IL1RAPL1: variants seen among roughly 807,000 people sequenced by gnomAD.
The protein encoded by IL1RAPL1 is interleukin 1 receptor accessory protein like 1.
In IL1RAPL1, 3 loss-of-function variants were observed where a neutral mutation model predicts 48.4. The ratio of observed to expected loss-of-function variants is 0.06; its 90% CI spans 0.03 to 0.16. The LOEUF is 0.16. IL1RAPL1 is among the 10% of genes least tolerant of loss of function. The pLI, the probability that IL1RAPL1 is intolerant of heterozygous loss-of-function variation, is 1.00. For synonymous variants in IL1RAPL1, 185 were observed against 187.7 expected, an observed-to-expected ratio of 0.99 and a Z score of 0.12; for missense variants, 349 against 530.6, an observed-to-expected ratio of 0.66 and a Z score of 3.36.
At chrX:28,980,296 G>A (rs1925299026) in intron 2 of IL1RAPL1, among the ~76,000 whole-genome samples, 1 of 112,228 alleles carries the variant, frequency 8.9e-6, no homozygotes, top group Non-Finnish European at 1.9e-5. Flanking sequence ...GTTTTTTCCA[G>A]CACATCTTTA....
intron 5 of IL1RAPL1, among the ~76,000 whole-genome samples, chrX:29,545,642 C>T (rs1241786770): frequency 8.9e-6 from 1 of 112,145 alleles, no homozygotes; most frequent in African/African-American, 3.2e-5. Flanking sequence ...GAAATCCATT[C>T]ATTTTGCTCT....
chrX:29,254,014 A>G (rs1222451824), intron 2 of IL1RAPL1, among the ~76,000 whole-genome samples: 1 of 111,695 alleles, frequency 9.0e-6, no homozygotes, highest in Non-Finnish European at 1.9e-5. Flanking sequence ...AAGGTAAATC[A>G]GTAAGTGGAG....
At chrX:29,060,569 A>G (rs951723835) in intron 2 of IL1RAPL1, among the ~76,000 whole-genome samples, 1 of 111,604 alleles carries the variant, frequency 9.0e-6, no homozygotes, top group African/African-American at 3.3e-5. Flanking sequence ...ATAAATACCT[A>G]ACTAGAACAT....
At chrX:29,009,437 A>G (rs1926070271) in intron 2 of IL1RAPL1, among the ~76,000 whole-genome samples, 1 of 112,464 alleles carries the variant, frequency 8.9e-6, no homozygotes, top group Non-Finnish European at 1.9e-5. Context: ...TAATTTTCAT[A>G]TATGGTGAAA....
rs758096515 is a variant in IL1RAPL1, at chrX:29,007,275, G to A, written c.82+217850G>A. Among the ~76,000 whole-genome samples the A allele has an allele frequency of 2.7e-5, 3 of 111,793 alleles. No homozygotes were observed. The East Asian group carries it at 8.4e-4, about 31-fold the overall frequency. On this transcript the variant is annotated intron_variant, in intron 2 of 10. Coordinates refer to ENST00000378993, the MANE Select transcript of IL1RAPL1 (RefSeq NM_014271.4). ...GTAATACTAAGATAAAATGATTAGA[G>A]TCACATACACGTTATATATGAAAAC...
chrX:29,000,529 T>C (rs1272849536), intron 2 of IL1RAPL1, among the ~76,000 whole-genome samples: 1 of 111,859 alleles, frequency 8.9e-6, no homozygotes, highest in Non-Finnish European at 1.9e-5. Flanking sequence ...ACAATTTGCT[T>C]AATGGAATTG....
At chrX:28,933,913 T>A (rs891038103) in intron 2 of IL1RAPL1, among the ~76,000 whole-genome samples, 1 of 111,722 alleles carries the variant, frequency 9.0e-6, no homozygotes, top group African/African-American at 3.3e-5. Context: ...ATGGTGCTGA[T>A]GGGAGTGTAT....
chrX:29,189,803 A>G (rs1407543098), intron 2 of IL1RAPL1, among the ~76,000 whole-genome samples: 1 of 111,697 alleles, frequency 9.0e-6, no homozygotes, highest in Non-Finnish European at 1.9e-5. Context: ...TCAGATCTGT[A>G]TATCAGGAAA....
At chrX:29,613,249 C>T (rs1341534770) in intron 5 of IL1RAPL1, among the ~76,000 whole-genome samples, 2 of 112,295 alleles carry the variant, frequency 1.8e-5, no homozygotes, top group Non-Finnish European at 3.8e-5. Context: ...GTTATTTCAA[C>T]ATGTAATCAA....
chrX:28,886,140 C>T (rs777912989), intron 2 of IL1RAPL1, among the ~76,000 whole-genome samples: 9 of 110,121 alleles, frequency 8.2e-5, no homozygotes, highest in Non-Finnish European at 1.5e-4. Flanking sequence ...GTTTTGGATG[C>T]TGGATTAAGT....
intron 2 of IL1RAPL1, among the ~76,000 whole-genome samples, chrX:29,100,134 C>T (rs972240519): frequency 9.0e-6 from 1 of 111,345 alleles, no homozygotes; most frequent in African/African-American, 3.3e-5. Flanking sequence ...ATCACTTGAA[C>T]CCGGGAGGTG....
intron 2 of IL1RAPL1, among the ~76,000 whole-genome samples, chrX:29,085,353 AAAG>A (rs1927930575): frequency 9.0e-6 from 1 of 111,187 alleles, no homozygotes; most frequent in Non-Finnish European, 1.9e-5. Context: ...GAGAAAAAGA[AAAG>A]AAGATAGAGG....
intron 2 of IL1RAPL1, among the ~76,000 whole-genome samples, chrX:29,081,008 C>T (rs1927814155): frequency 3.1e-4 from 22 of 71,371 alleles, no homozygotes; most frequent in Middle Eastern, 7.2e-3. Context: ...CTCTCTCTCT[C>T]TCTCTCTCTC....
At chrX:28,852,628 CAT>C (rs1921692149) in intron 2 of IL1RAPL1, among the ~76,000 whole-genome samples, 1 of 111,636 alleles carries the variant, frequency 9.0e-6, no homozygotes, top group Non-Finnish European at 1.9e-5. Flanking sequence ...GGAAATAACT[CAT>C]GTGCCTCATT....
chrX:29,698,676 G>A (rs750242246), intron 6 of IL1RAPL1, among the ~76,000 whole-genome samples: 5 of 111,443 alleles, frequency 4.5e-5, no homozygotes, highest in Non-Finnish European at 9.4e-5. Flanking sequence ...AACCAGGATT[G>A]CAATTGCATG....
At chrX:29,517,906 A>G (rs374213340) in intron 5 of IL1RAPL1, among the ~76,000 whole-genome samples, 1 of 111,897 alleles carries the variant, frequency 8.9e-6, no homozygotes, top group African/African-American at 3.2e-5. Flanking sequence ...TTTGGTTTCT[A>G]GGAAAGTATA....
intron 5 of IL1RAPL1, among the ~76,000 whole-genome samples, chrX:29,552,802 C>CTTTTTTTTTTTTTTTTTTT (rs765234944): frequency 1.3e-4 from 3 of 22,988 alleles, no homozygotes; most frequent in East Asian, 2.2e-3. Flanking sequence ...TTTCACTCTC[C>CTTTTTTTTTTTTTTTTTTT]TTTTTTTTTT....
chrX:29,740,869 G>A (rs766377124), intron 6 of IL1RAPL1, among the ~76,000 whole-genome samples: 34 of 112,152 alleles, frequency 3.0e-4, no homozygotes, highest in African/African-American at 1.1e-3. Context: ...CATGATGTGA[G>A]GTGAACCACA....
chrX:29,702,240 C>T (rs1225785601), intron 6 of IL1RAPL1, among the ~76,000 whole-genome samples: 3 of 100,277 alleles, frequency 3.0e-5, no homozygotes, highest in Non-Finnish European at 4.0e-5. Flanking sequence ...GGCAACAGGG[C>T]GAGACTCTGT....
Sources: allele counts gnomAD v4.1 joint callset (sites outside exome capture counted in the v4.1 genomes callset), GRCh38; gene constraint gnomAD v4.1.1; transcripts MANE v1.5; gene names NCBI Gene and HGNC (gene_info 2026-07-23, HGNC 2026-07-21).